Variants in RARB observed in about 807,000 individuals in gnomAD.
RARB encodes retinoic acid receptor beta.
In RARB, 17 loss-of-function variants were observed where a neutral mutation model predicts 51.9. The ratio of observed to expected loss-of-function variants is 0.33; its 90% CI spans 0.22 to 0.49. The LOEUF (loss-of-function observed/expected upper bound fraction) is 0.49, where lower values mean the gene tolerates loss of function less well. Among genes scored for constraint, RARB ranks in the 20% least tolerant of loss-of-function variants. RARB has a pLI of 0.99. For synonymous variants in RARB, 215 were observed against 195.4 expected, an observed-to-expected ratio of 1.10 and a Z score of -0.84; for missense variants, 369 against 550.8, an observed-to-expected ratio of 0.67 and a Z score of 3.30.
chr3:25,005,462 A>G (rs1388386086), intron 2 of RARB, among the ~76,000 whole-genome samples: 1 of 152,160 alleles, frequency 6.6e-6, no homozygotes, highest in Non-Finnish European at 1.5e-5. Context: ...AAGTGCCAGC[A>G]AGTTAGTGCT....
intron 5 of RARB, among the ~76,000 whole-genome samples, chr3:25,275,739 C>G (rs959291179): frequency 5.4e-5 from 8 of 147,680 alleles, no homozygotes; most frequent in Non-Finnish European, 1.0e-4. Context: ...AACACTTGGA[C>G]ACAGGAAGGG....
At chr3:24,979,567 GT>G (rs1026488562) in intron 2 of RARB, among the ~76,000 whole-genome samples, 2 of 150,836 alleles carry the variant, frequency 1.3e-5, no homozygotes, top group African/African-American at 4.9e-5. Flanking sequence ...AACTCCTCCT[GT>G]TTTTTTTGTT....
intron 2 of RARB, among the ~76,000 whole-genome samples, chr3:24,887,563 A>G (rs1703289021): frequency 1.3e-5 from 2 of 152,240 alleles, no homozygotes; most frequent in Non-Finnish European, 2.9e-5. Context: ...TAAGAGACAT[A>G]GCAGCAATTG....
intron 4 of RARB, among the ~76,000 whole-genome samples, chr3:25,146,970 C>T (rs1463633670): frequency 1.3e-5 from 2 of 152,112 alleles, no homozygotes; most frequent in South Asian, 2.1e-4. Context: ...ATGTTTTTAA[C>T]ACTATGAATG....
chr3:25,249,016 A>G (rs1298941001), intron 5 of RARB, among the ~76,000 whole-genome samples: 1 of 152,066 alleles, frequency 6.6e-6, no homozygotes, highest in Admixed American at 6.6e-5. Flanking sequence ...TTATTTTGTT[A>G]AATAGGTTTT....
intron 5 of RARB, among the ~76,000 whole-genome samples, chr3:25,418,336 C>T (rs1707765416): frequency 6.6e-6 from 1 of 152,174 alleles, no homozygotes; most frequent in African/African-American, 2.4e-5. Context: ...CCAAACATTA[C>T]ATGGTACCAG....
chr3:25,229,487 A>G (rs769644249), intron 5 of RARB, among the ~76,000 whole-genome samples: 1 of 152,144 alleles, frequency 6.6e-6, no homozygotes, highest in Non-Finnish European at 1.5e-5. Context: ...ACTAATTGCT[A>G]TCTATTACTG....
chr3:25,160,527 G>C (rs886955101), intron 4 of RARB, among the ~76,000 whole-genome samples: 1 of 152,112 alleles, frequency 6.6e-6, no homozygotes, highest in Non-Finnish European at 1.5e-5. Context: ...CACTATGTGT[G>C]AAAAACAACA....
rs199605013 is a variant in RARB at position 25,291,476 on chromosome 3, C to CTTTTTTTTTT, written c.178+116910_178+116919dup. Among the ~76,000 whole-genome samples, 3 of 125,380 alleles carry CTTTTTTTTTT rather than the reference C, an allele frequency of 2.4e-5. 1 individual carries two copies. The allele number at this position is 125,380 out of a possible 152,430, so 82.3% of individuals were successfully genotyped here. ...TAAAAATGCTTGAGCCAGATGTTTG[C>CTTTTTTTTTT]TTTTTTTTTTTTTTTTTTGAACACA... On this transcript the variant is annotated intron_variant, in intron 5 of 11. Coordinates refer to the RARB transcript ENST00000383772.
chr3:25,182,762 T>G (rs1201773179), intron 5 of RARB, among the ~76,000 whole-genome samples: 2 of 152,178 alleles, frequency 1.3e-5, no homozygotes, highest in Admixed American at 6.5e-5. Context: ...TAAAGAGATG[T>G]TGAAGCCTTT....
chr3:25,004,551 G>C (rs756912560), intron 2 of RARB, among the ~76,000 whole-genome samples: 4 of 152,062 alleles, frequency 2.6e-5, no homozygotes, highest in Non-Finnish European at 4.4e-5. Flanking sequence ...ATTCATGGGA[G>C]CAGAGCTCTC....
intron 2 of RARB, among the ~76,000 whole-genome samples, chr3:25,006,692 T>A (rs911416240): frequency 1.3e-5 from 2 of 152,106 alleles, no homozygotes; most frequent in Non-Finnish European, 2.9e-5. Context: ...TTGTTATAAA[T>A]CACAGGCAAT....
At chr3:25,399,166 G>A (rs1707199417) in intron 5 of RARB, among the ~76,000 whole-genome samples, 1 of 152,140 alleles carries the variant, frequency 6.6e-6, no homozygotes, top group South Asian at 2.1e-4. Flanking sequence ...GTATCACTAT[G>A]ATGCTTTACT....
intron 2 of RARB, among the ~76,000 whole-genome samples, chr3:25,474,292 C>T (rs1160247489): frequency 1.3e-5 from 2 of 152,172 alleles, no homozygotes; most frequent in African/African-American, 4.8e-5. Context: ...TTGGATCTTA[C>T]TTCTCTGTAT....
chr3:25,484,319 C>G (rs1343975205), intron 2 of RARB, among the ~76,000 whole-genome samples: 1 of 152,098 alleles, frequency 6.6e-6, no homozygotes, highest in Non-Finnish European at 1.5e-5. Flanking sequence ...AAGAGACATG[C>G]TTGAAGCCAC....
intron 2 of RARB, among the ~76,000 whole-genome samples, chr3:24,877,592 T>C (rs1337131301): frequency 6.6e-6 from 1 of 152,190 alleles, no homozygotes; most frequent in East Asian, 1.9e-4. Context: ...CAGCTGAGGT[T>C]TGAAATACCA....
intron 2 of RARB, among the ~76,000 whole-genome samples, chr3:24,993,055 C>A (rs1293010155): frequency 6.6e-6 from 1 of 151,998 alleles, no homozygotes; most frequent in Non-Finnish European, 1.5e-5. Context: ...AATCTATATA[C>A]AATAAAAAGT....
intron 5 of RARB, among the ~76,000 whole-genome samples, chr3:25,254,050 A>G (rs1241186631): frequency 1.3e-5 from 2 of 152,180 alleles, no homozygotes; most frequent in African/African-American, 4.8e-5. Flanking sequence ...ATATTTTGAG[A>G]TTGAAAAATC....
At chr3:25,541,375 C>T (rs574883051) in intron 3 of RARB, among the ~76,000 whole-genome samples, 208 of 152,234 alleles carry the variant, frequency 1.4e-3, no homozygotes, top group Non-Finnish European at 1.8e-3. Flanking sequence ...TTCTGTCTTT[C>T]GTTCTGACCT....
Sources: allele counts gnomAD v4.1 joint callset (sites outside exome capture counted in the v4.1 genomes callset), GRCh38; gene constraint gnomAD v4.1.1; transcripts MANE v1.5; gene names NCBI Gene and HGNC (gene_info 2026-07-23, HGNC 2026-07-21).